The following CA5A variants were observed in gnomAD, a reference collection of about 807,000 sequenced individuals.
The protein encoded by CA5A is carbonic anhydrase 5A.
CA5A carries 28 observed loss-of-function variants against 37.1 expected under a neutral mutation model. That is an observed-to-expected ratio of 0.75 (90% CI 0.56 to 1.03). The LOEUF (loss-of-function observed/expected upper bound fraction) is 1.03, where lower values mean the gene tolerates loss of function less well. CA5A is among the 50% of genes least tolerant of loss of function. CA5A has a pLI of 0.00. For synonymous variants in CA5A, 171 were observed against 158.4 expected, an observed-to-expected ratio of 1.08 and a Z score of -0.60; for missense variants, 444 against 399.9, an observed-to-expected ratio of 1.11 and a Z score of -0.94.
At chr16:87,924,533 G>T (rs532758974) in intron 2 of CA5A, among the ~76,000 whole-genome samples, 1 of 152,358 alleles carries the variant, frequency 6.6e-6, no homozygotes, top group African/African-American at 2.4e-5. Context: ...TGCACATACG[G>T]CTCAGCGCAC....
At chr16:87,903,251 T>C (rs1000079431) in intron 3 of CA5A, among the ~76,000 whole-genome samples, 19 of 152,044 alleles carry the variant, frequency 1.2e-4, no homozygotes, top group African/African-American at 4.3e-4. Context: ...GCCAAGATGG[T>C]GAAACCCCGT....
rs931758765 is a variant in CA5A at position 87,911,581 on chromosome 16, T to C, written c.341-6677A>G. 2.6e-5 allele frequency among the ~76,000 whole-genome samples: 4 copies of C among 151,410 alleles called. No homozygotes were observed. Among genetic ancestry groups the C allele is most frequent in the African/African-American group, 4.8e-5 (2 of 41,238 alleles). The stretch of plus-strand genomic sequence containing the variant: ...CTGCTTCCGGTGCCACTCTGGGAGG[T>C]AGTGCACGTTCCCAAGCTGTAAAGG... On this transcript the variant is annotated intron_variant, in intron 2 of 6. Coordinates refer to ENST00000649794, the MANE Select transcript of CA5A (RefSeq NM_001739.2). This position sits in a 1 kb window ranked among gnomAD's most constrained non-coding sequence, Gnocchi z 4.6.
chr16:87,891,872 A>G lies in CA5A; in HGVS notation c.701T>C (p.Leu234Pro). 1.3e-6 allele frequency: 2 copies of G among 1,575,404 alleles called. No homozygotes were observed. Among genetic ancestry groups the G allele is most frequent in the Non-Finnish European group, 1.7e-6 (2 of 1,162,748 alleles). Residue 234 changes from leucine to proline, a missense_variant, in exon 6 of 7, where the codon CTC becomes CCC. Leu to Pro is a moderately conservative substitution (Grantham distance 98). Transcript: ENST00000649794. ...CGACTCGGTCAGCGGCGGGGTGGTG[A>G]GCGAGCCCGCGTAGGTCCAGTAATC... ...CWDYWTYAGSLTTPPLTESVT... is the reference protein window; with the variant it reads ...CWDYWTYAGSPTTPPLTESVT...
At chr16:87,929,521 G>A (rs558769525) in intron 1 of CA5A, among the ~76,000 whole-genome samples, 2 of 151,178 alleles carry the variant, frequency 1.3e-5, no homozygotes, top group Admixed American at 6.6e-5. Flanking sequence ...AATGGTTAGC[G>A]CATTGCTGTG....
chr16:87,899,504 T>C (rs1455300049), intron 5 of CA5A, among the ~76,000 whole-genome samples: 2 of 151,004 alleles, frequency 1.3e-5, no homozygotes, highest in African/African-American at 2.4e-5. Context: ...GGTTTTATCA[T>C]GTTGGCCAGG....
At chr16:87,904,301 C>A (rs1178404104) in intron 3 of CA5A, among the ~76,000 whole-genome samples, 1 of 150,870 alleles carries the variant, frequency 6.6e-6, no homozygotes, top group Non-Finnish European at 1.5e-5. Context: ...AAGATTGCAC[C>A]AATGCACTCC....
In CA5A at chr16:87,888,241, G is replaced by C. The variant is rs771506074; in HGVS notation, c.806C>G (p.Ala269Gly). The change falls in exon 7 of 7, where the codon GCA becomes GGA. Residue 269 changes from alanine (A) to glycine (G), a missense_variant. By Grantham distance (60) the Ala-to-Gly change is moderately conservative. Coordinates refer to ENST00000649794, the MANE Select transcript of CA5A (RefSeq NM_001739.2). ...LSAFRTLLFS[A>G]LGEEEKMMVN... ...CATCATCTTCTCCTCTTCACCAAGT[G>C]CAGAAAACAGGAGAGTACGAAATGC... 1.4e-5 allele frequency: 23 copies of C among 1,613,838 alleles called. No individual in the cohort carries two copies. The East Asian group carries it at 5.1e-4, about 36-fold the overall frequency.
chr16:87,908,163 C>T (rs74041829), intron 2 of CA5A, among the ~76,000 whole-genome samples: 3,310 of 152,256 alleles, frequency 0.022, 122 homozygotes, highest in African/African-American at 0.075. Context: ...GTTGGGGAAC[C>T]GCCTGGGATC....
chr16:87,927,635 T>C (rs1180808612), intron 1 of CA5A, among the ~76,000 whole-genome samples: 11 of 151,912 alleles, frequency 7.2e-5, no homozygotes, highest in Admixed American at 7.2e-4. Context: ...GCAAGGTGGG[T>C]GGATCACTTG....
chr16:87,926,575 C>T (rs112993191), intron 2 of CA5A, among the ~76,000 whole-genome samples, 173 bp downstream of exon 2: 1 of 152,254 alleles, frequency 6.6e-6, no homozygotes, highest in Non-Finnish European at 1.5e-5. Context: ...CCCTCGAGAA[C>T]CTTCACACCA....
At chr16:87,891,167 A>C (rs1464893728) in intron 6 of CA5A, among the ~76,000 whole-genome samples, 4 of 151,528 alleles carry the variant, frequency 2.6e-5, no homozygotes, top group Non-Finnish European at 2.9e-5. Flanking sequence ...CAATGAAACT[A>C]TTTAGATAAG....
At chr16:87,928,634 C>T (rs984723038) in intron 1 of CA5A, among the ~76,000 whole-genome samples, 5 of 151,872 alleles carry the variant, frequency 3.3e-5, no homozygotes, top group Non-Finnish European at 7.4e-5. Context: ...AGTTACGACA[C>T]AATTTTTAAA....
chr16:87,897,061 A>T (rs945058369), intron 5 of CA5A, among the ~76,000 whole-genome samples: 1 of 152,230 alleles, frequency 6.6e-6, no homozygotes, highest in African/African-American at 2.4e-5. Context: ...TACGACAGGC[A>T]GTGTGGTGGC....
At chr16:87,915,078 T>G (rs558562441) in intron 2 of CA5A, among the ~76,000 whole-genome samples, 1 of 152,310 alleles carries the variant, frequency 6.6e-6, no homozygotes, top group East Asian at 1.9e-4. Context: ...TCCACACAAC[T>G]GCCCCAGGAG....
chr16:87,926,547 G>C (rs1223971273), intron 2 of CA5A, among the ~76,000 whole-genome samples: 2 of 152,224 alleles, frequency 1.3e-5, no homozygotes, highest in African/African-American at 4.8e-5. Context: ...TCTGTAAAGT[G>C]AGCACCAGGC....
intron 2 of CA5A, among the ~76,000 whole-genome samples, chr16:87,908,987 CTAT>C (rs2056007892): frequency 8.7e-6 from 1 of 114,592 alleles, no homozygotes; most frequent in Admixed American, 8.3e-5. Context: ...CCACACCCGG[CTAT>C]TTTTTTTTTT....
intron 2 of CA5A, chr16:87,924,038 C>A: frequency 2.0e-6 from 2 of 985,436 alleles, no homozygotes; most frequent in Non-Finnish European, 2.4e-6. Context: ...AACAGACCAA[C>A]AAGGGGAGAA....
chr16:87,891,233 C>G (rs1364544195), intron 6 of CA5A, among the ~76,000 whole-genome samples: 1 of 151,036 alleles, frequency 6.6e-6, no homozygotes, highest in African/African-American at 2.4e-5. Flanking sequence ...TTTGGGAGGC[C>G]AAGGTGGGCA....
chr16:87,927,049 C>G, intron 1 of CA5A, 104 bp from the exon 2 acceptor site: 1 of 817,904 alleles, frequency 1.2e-6, no homozygotes. Context: ...CACGTCCTGG[C>G]TCATGGGAAA....
Sources: allele counts gnomAD v4.1 joint callset (sites outside exome capture counted in the v4.1 genomes callset), GRCh38; gene constraint gnomAD v4.1.1; non-coding constraint Gnocchi (gnomAD v3.1); transcripts MANE v1.5; gene names NCBI Gene and HGNC (gene_info 2026-07-23, HGNC 2026-07-21).